HSPA12A: variants seen among roughly 807,000 people sequenced by gnomAD.
HSPA12A encodes heat shock 70 kDa protein 12A.
A neutral mutation model predicts 69.2 loss-of-function variants in HSPA12A; 28 were observed. That is an observed-to-expected ratio of 0.40 (90% CI 0.30 to 0.55). The LOEUF is 0.55. HSPA12A is among the 20% of genes least tolerant of loss of function. The pLI is 0.38. For missense variants in HSPA12A, 686 were observed against 900.7 expected, an observed-to-expected ratio of 0.76 and a Z score of 3.05; for synonymous variants, 345 against 370.5, an observed-to-expected ratio of 0.93 and a Z score of 0.79.
intron 1 of HSPA12A, among the ~76,000 whole-genome samples, chr10:116,839,345 C>A (rs1001147778): frequency 6.6e-6 from 1 of 152,160 alleles, no homozygotes; most frequent in Non-Finnish European, 1.5e-5. Flanking sequence ...ACGAAGACCC[C>A]GGCTCTTCTT....
At chr10:116,840,961 C>T (rs1291579239) in intron 1 of HSPA12A, among the ~76,000 whole-genome samples, 3 of 152,106 alleles carry the variant, frequency 2.0e-5, no homozygotes, top group African/African-American at 4.8e-5. Flanking sequence ...TTGGTAGCTC[C>T]GGTAAAGGCA....
At chr10:116,805,026 G>C (rs1023771777) in intron 2 of HSPA12A, among the ~76,000 whole-genome samples, 8 of 152,188 alleles carry the variant, frequency 5.3e-5, no homozygotes, top group Non-Finnish European at 8.8e-5. Flanking sequence ...TAAAACCGCA[G>C]GGAATGTTGG....
intron 2 of HSPA12A, among the ~76,000 whole-genome samples, chr10:116,748,486 T>C (rs1418124064): frequency 6.6e-6 from 1 of 152,216 alleles, no homozygotes; most frequent in Admixed American, 6.5e-5. Context: ...CTTTTCTCAG[T>C]GACTTCTGCA....
chr10:116,721,448 C>T (rs936948940), intron 1 of HSPA12A, among the ~76,000 whole-genome samples: 3 of 152,110 alleles, frequency 2.0e-5, no homozygotes, highest in Admixed American at 6.5e-5. Flanking sequence ...GCAGGGTGCC[C>T]CCTCTATCCC....
intron 1 of HSPA12A, among the ~76,000 whole-genome samples, chr10:116,741,198 C>G (rs1305726704): frequency 6.6e-6 from 1 of 152,152 alleles, no homozygotes; most frequent in Non-Finnish European, 1.5e-5. Context: ...CGTGGGGAGG[C>G]ACCTCCCTGA....
At chr10:116,812,279 C>A (rs1245215256) in intron 2 of HSPA12A, among the ~76,000 whole-genome samples, 2 of 151,806 alleles carry the variant, frequency 1.3e-5, no homozygotes, top group Non-Finnish European at 2.9e-5. Context: ...ATGGTAAAAC[C>A]CCATCTGTAT....
At chr10:116,795,724 T>C (rs1844806900) in intron 2 of HSPA12A, among the ~76,000 whole-genome samples, 1 of 149,954 alleles carries the variant, frequency 6.7e-6, no homozygotes, top group Non-Finnish European at 1.5e-5. Context: ...ATAAAATTAC[T>C]TGGTAAGAGG....
intron 4 of HSPA12A, among the ~76,000 whole-genome samples, chr10:116,700,583 G>C (rs1850052264): frequency 1.3e-5 from 2 of 152,136 alleles, no homozygotes; most frequent in Non-Finnish European, 2.9e-5. Flanking sequence ...ATGATACACT[G>C]ATCTCTCAAT....
chr10:116,813,717 C>CA (rs34294587), intron 2 of HSPA12A, among the ~76,000 whole-genome samples: 14,539 of 150,462 alleles, frequency 0.097, 945 homozygotes, highest in East Asian at 0.19. Context: ...TCCCTCTCTA[C>CA]AAAAAAAAAT....
Position 116,705,245 on chromosome 10 carries a change from A to C in HSPA12A, c.160T>G (p.Ser54Ala). The change falls in exon 3 of 12, where the codon TCA (serine) becomes GCA (alanine). Residue 54 changes from serine to alanine, a missense_variant. Ser to Ala is a moderately conservative substitution (Grantham distance 99). Coordinates refer to ENST00000369209, the MANE Select transcript of HSPA12A (RefSeq NM_025015.3). ...TCGACGGCCACCACCACGAGAAATG[A>C]CTGCTGTTCTGAGACGTTGGAGTCA... ...DTDSNVSEQQ[S>A]FLVVVAVDFG... 2 of 1,614,068 alleles carry C rather than the reference A, an allele frequency of 1.2e-6. No homozygotes were observed. The highest frequency in any genetic ancestry group is 1.7e-6 in the Non-Finnish European group (2 of 1,180,004).
intron 5 of HSPA12A, among the ~76,000 whole-genome samples, chr10:116,692,994 G>C (rs1849778412): frequency 6.6e-6 from 1 of 152,146 alleles, no homozygotes; most frequent in Non-Finnish European, 1.5e-5. Context: ...ACTTTGATAT[G>C]CTCAGTACCT....
At chr10:116,733,590 C>T (rs532727493) in intron 1 of HSPA12A, among the ~76,000 whole-genome samples, 26 of 152,332 alleles carry the variant, frequency 1.7e-4, no homozygotes, top group African/African-American at 6.3e-4. Context: ...CTCCATCCTA[C>T]AGAACTTACT....
Position 116,704,070 on chromosome 10 carries a change from T to C in HSPA12A, c.254+1081A>G, listed in dbSNP as rs1267210875. On this transcript the variant is annotated intron_variant, in intron 3 of 11. Transcript: ENST00000369209. ...TCAGTGTGGCGATTCCTCAGGGATC[T>C]AGAACTAGAAATGCCATTTGACCCA... Among the ~76,000 whole-genome samples the C allele has an allele frequency of 2.0e-5, 3 of 152,328 alleles. No individual in the cohort carries two copies. In the East Asian group the frequency reaches 5.8e-4, roughly 29 times the overall value.
chr10:116,697,372 C>T (rs1380559176), intron 5 of HSPA12A, among the ~76,000 whole-genome samples: 5 of 151,544 alleles, frequency 3.3e-5, no homozygotes, highest in Admixed American at 3.3e-4. Context: ...AATTTCAGGC[C>T]ACCATGACCA....
rs41284380 is a variant in HSPA12A at position 116,683,801 on chromosome 10, C to A, written c.825G>T (p.Gly275=). The change falls in exon 7 of 12, where the codon GGG becomes GGT. Residue 275 remains glycine (G), a synonymous_variant. Coordinates refer to ENST00000369209, the MANE Select transcript of HSPA12A (RefSeq NM_025015.3). ...AGAGAGCAGAGGTACCCTGTGTAAA[C>A]CCAGCTCCTACTGTGTCACTGCCGC... ...GYSGSDTVGA[G]FTQAKEHIRR... is the part of the protein sequence containing the mutation. The A allele has an allele frequency of 0.018, 28,417 of 1,560,508 alleles. 361 individuals are homozygous for A. The highest frequency in any genetic ancestry group is 0.074 in the Middle Eastern group (429 of 5,824).
At chr10:116,719,230 C>T (rs571123145) in intron 1 of HSPA12A, among the ~76,000 whole-genome samples, 3 of 152,232 alleles carry the variant, frequency 2.0e-5, no homozygotes, top group African/African-American at 7.2e-5. Flanking sequence ...CAATGAGGAA[C>T]GTGGGAGTGG....
Position 116,674,809 on chromosome 10 carries a change from T to G in HSPA12A, c.2000A>C (p.Lys667Thr). ...AIDIATSKSVKVGIDFLNY is the reference protein window; with the variant it reads ...AIDIATSKSVTVGIDFLNY Reference sequence around the variant, plus strand: ...GTAATTTAAGAAGTCGATCCCAACTTTGACACTCTTCGAAGTGGCTATATC... The same window carrying G: ...GTAATTTAAGAAGTCGATCCCAACTGTGACACTCTTCGAAGTGGCTATATC... The change falls in exon 12 of 12, where the codon AAA (lysine) becomes ACA (threonine). Residue 667 changes from lysine (K) to threonine (T), a missense_variant. Lys to Thr is a moderately conservative substitution (Grantham distance 78). Transcript: ENST00000369209. The G allele has an allele frequency of 6.2e-7, 1 of 1,609,370 alleles. No individual in the cohort carries two copies. Among genetic ancestry groups the G allele is most frequent in the Non-Finnish European group, 8.5e-7 (1 of 1,177,442 alleles).
intron 2 of HSPA12A, among the ~76,000 whole-genome samples, chr10:116,823,308 G>A (rs778195559): frequency 2.8e-4 from 42 of 152,114 alleles, no homozygotes; most frequent in Admixed American, 6.5e-5. Context: ...CATTAAAGAA[G>A]ACATAGGTAA....
chr10:116,721,074 T>G (rs1456789685), intron 1 of HSPA12A, among the ~76,000 whole-genome samples: 1 of 152,186 alleles, frequency 6.6e-6, no homozygotes, highest in Non-Finnish European at 1.5e-5. Context: ...CCTAATTACT[T>G]CTTACTTTGT....
Sources: allele counts gnomAD v4.1 joint callset (sites outside exome capture counted in the v4.1 genomes callset), GRCh38; gene constraint gnomAD v4.1.1; transcripts MANE v1.5; gene names NCBI Gene and HGNC (gene_info 2026-07-23, HGNC 2026-07-21).